Variants in OPCML observed in about 807,000 individuals in gnomAD.
The protein encoded by OPCML is opioid binding protein/cell adhesion molecule like, also known as opioid-binding protein/cell adhesion molecule.
OPCML carries 13 observed loss-of-function variants against 37.8 expected under a neutral mutation model. The observed-to-expected ratio is 0.34, with a 90% confidence interval of 0.22 to 0.55. The LOEUF is 0.55. Among genes scored for constraint, OPCML ranks in the 20% least tolerant of loss-of-function variants. The pLI, the probability that OPCML is intolerant of heterozygous loss-of-function variation, is 0.91. For missense variants in OPCML, 341 were observed against 435.6 expected (o/e 0.78, Z 1.93); for synonymous variants, 176 against 168.8 (o/e 1.04, Z -0.33).
intron 1 of OPCML, among the ~76,000 whole-genome samples, chr11:133,387,546 C>T (rs913945373): frequency 6.6e-6 from 1 of 152,226 alleles, no homozygotes; most frequent in African/African-American, 2.4e-5. Context: ...CTGACAAACT[C>T]ACCGGTTGTG....
intron 3 of OPCML, among the ~76,000 whole-genome samples, chr11:132,645,977 G>A (rs774097325): frequency 3.3e-5 from 5 of 152,156 alleles, no homozygotes; most frequent in Non-Finnish European, 5.9e-5. Context: ...TATGAGAAAC[G>A]AAGAAGAATG....
intron 4 of OPCML, among the ~76,000 whole-genome samples, chr11:132,445,268 A>G (rs1312296383): frequency 6.6e-6 from 1 of 152,216 alleles, no homozygotes; most frequent in Non-Finnish European, 1.5e-5. Flanking sequence ...GGCAGGGGTG[A>G]GTTTTCTAGA....
intron 1 of OPCML, among the ~76,000 whole-genome samples, chr11:133,485,996 C>T (rs1947518264): frequency 6.6e-6 from 1 of 152,008 alleles, no homozygotes; most frequent in Non-Finnish European, 1.5e-5. Flanking sequence ...TGCAAGAAGG[C>T]TATAATGTGC....
intron 3 of OPCML, among the ~76,000 whole-genome samples, chr11:132,585,007 A>T (rs897127585): frequency 1.3e-5 from 2 of 152,216 alleles, no homozygotes; most frequent in Admixed American, 6.5e-5. Flanking sequence ...CAGACTCGTT[A>T]CAAGAGTAGG....
intron 4 of OPCML, among the ~76,000 whole-genome samples, chr11:132,481,688 A>G (rs953672820): frequency 6.6e-6 from 1 of 150,568 alleles, no homozygotes; most frequent in South Asian, 2.1e-4. Context: ...TCCTCAGCAA[A>G]TGTAAAAGAA....
chr11:133,236,574 A>C (rs571716916), intron 1 of OPCML, among the ~76,000 whole-genome samples: 245 of 152,318 alleles, frequency 1.6e-3, no homozygotes, highest in African/African-American at 5.6e-3. Context: ...ATTTATTCAA[A>C]GACCTGTGCT....
intron 1 of OPCML, among the ~76,000 whole-genome samples, chr11:133,051,759 T>C (rs1262269330): frequency 2.0e-5 from 3 of 152,332 alleles, no homozygotes; most frequent in East Asian, 3.9e-4. Flanking sequence ...ATCCTCCCAC[T>C]GACACCGCAC....
At chr11:132,539,618 GATA>G (rs748059257) in intron 3 of OPCML, among the ~76,000 whole-genome samples, 4 of 152,154 alleles carry the variant, frequency 2.6e-5, no homozygotes, top group South Asian at 4.2e-4. Flanking sequence ...TGGTGATAGT[GATA>G]ATAACGGTGA....
intron 1 of OPCML, among the ~76,000 whole-genome samples, chr11:133,128,023 G>C (rs940641605): frequency 6.6e-6 from 1 of 152,086 alleles, no homozygotes; most frequent in African/African-American, 2.4e-5. Context: ...CATCACCACA[G>C]CATGACTGTT....
intron 2 of OPCML, among the ~76,000 whole-genome samples, chr11:132,883,342 C>T (rs1243234811): frequency 2.0e-5 from 3 of 151,844 alleles, no homozygotes; most frequent in African/African-American, 7.3e-5. Flanking sequence ...TTTAGTGATT[C>T]TTTATAGAAA....
At chr11:133,279,819 AG>A in intron 1 of OPCML, among the ~76,000 whole-genome samples, 1 of 152,354 alleles carries the variant, frequency 6.6e-6, no homozygotes, top group Admixed American at 6.5e-5. Context: ...AGAATAAAAA[AG>A]GAATCCAAAT....
At chr11:133,331,879 A>T (rs1943626988) in intron 1 of OPCML, among the ~76,000 whole-genome samples, 1 of 152,034 alleles carries the variant, frequency 6.6e-6, no homozygotes, top group Non-Finnish European at 1.5e-5. Flanking sequence ...CCATTAAAAA[A>T]ATTTCTTTTT....
intron 1 of OPCML, among the ~76,000 whole-genome samples, chr11:133,331,060 AGT>A (rs1435826964): frequency 6.6e-6 from 1 of 151,696 alleles, no homozygotes; most frequent in East Asian, 1.9e-4. Context: ...GTGTAGATAA[AGT>A]GAGGATCCAG....
intron 2 of OPCML, among the ~76,000 whole-genome samples, chr11:132,739,211 C>A (rs544745964): frequency 6.6e-6 from 1 of 152,354 alleles, no homozygotes; most frequent in African/African-American, 2.4e-5. Context: ...TGTCTTGTCA[C>A]TTCCCTATAC....
intron 7 of OPCML, 90 bp from the exon 8 acceptor site, chr11:132,420,383 C>T: frequency 2.0e-6 from 3 of 1,521,740 alleles, no homozygotes; most frequent in Non-Finnish European, 8.8e-7. Flanking sequence ...TACATGCTTC[C>T]CACCTTCCAC....
intron 1 of OPCML, among the ~76,000 whole-genome samples, chr11:133,127,614 CAG>C (rs1304463933): frequency 6.7e-6 from 1 of 149,100 alleles, no homozygotes; most frequent in Non-Finnish European, 1.5e-5. Flanking sequence ...GCCTGGGTGA[CAG>C]AGAGAGGCTC....
At chr11:132,487,028 A>G (rs1209636773) in intron 4 of OPCML, among the ~76,000 whole-genome samples, 1 of 152,240 alleles carries the variant, frequency 6.6e-6, no homozygotes, top group Non-Finnish European at 1.5e-5. Flanking sequence ...AATAAGGATC[A>G]TGATAATGCT....
At chr11:132,622,308 A>G (rs1305892692) in intron 3 of OPCML, among the ~76,000 whole-genome samples, 1 of 152,168 alleles carries the variant, frequency 6.6e-6, no homozygotes. Context: ...TCAAACAACA[A>G]AGACAACTGA....
At chr11:133,483,358 G>GAT (rs1947423591) in intron 1 of OPCML, among the ~76,000 whole-genome samples, 1 of 151,322 alleles carries the variant, frequency 6.6e-6, no homozygotes, top group African/African-American at 2.4e-5. Flanking sequence ...TAGATAGATA[G>GAT]ATAGCTAATA....
Sources: gnomAD v4.1 joint callset for allele counts (sites outside exome capture counted in the v4.1 genomes callset) on GRCh38, gnomAD v4.1.1 for gene constraint, MANE v1.5 for transcripts, NCBI Gene and HGNC (gene_info 2026-07-23, HGNC 2026-07-21) for gene names.